Variants in WDR41 observed in about 807,000 individuals in gnomAD.
WDR41 encodes WD repeat-containing protein 41.
WDR41 carries 63 observed loss-of-function variants against 69.3 expected under a neutral mutation model. The observed-to-expected ratio is 0.91, with a 90% CI of 0.74 to 1.12. The LOEUF (loss-of-function observed/expected upper bound fraction) is 1.12, where lower values mean the gene tolerates loss of function less well. Ranked by LOEUF, WDR41 falls within the 50% of genes most tolerant of loss-of-function variation. WDR41 has a pLI of 0.00. For synonymous variants in WDR41, 185 were observed against 192.1 expected, an observed-to-expected ratio of 0.96 and a Z score of 0.31; for missense variants, 543 against 534.5, an observed-to-expected ratio of 1.02 and a Z score of -0.16.
chr5:77,608,417 T>A (rs751609439), intron 1 of WDR41, among the ~76,000 whole-genome samples: 1 of 152,176 alleles, frequency 6.6e-6, no homozygotes, highest in African/African-American at 2.4e-5. Flanking sequence ...CCCAAAAACA[T>A]TGGGCCTAAT....
intron 12 of WDR41, among the ~76,000 whole-genome samples, chr5:77,435,566 G>T (rs569675676): frequency 1.3e-5 from 2 of 152,078 alleles, no homozygotes; most frequent in Non-Finnish European, 2.9e-5. Context: ...CAAATGAAAA[G>T]AAATTTTTTG....
intron 1 of WDR41, among the ~76,000 whole-genome samples, chr5:77,528,985 C>T (rs1040725587): frequency 5.3e-5 from 8 of 151,198 alleles, no homozygotes; most frequent in Non-Finnish European, 7.4e-5. Flanking sequence ...ATAAGAATGC[C>T]CACTGTCATT....
At chr5:77,525,590 A>C (rs900818251) in intron 1 of WDR41, among the ~76,000 whole-genome samples, 2 of 152,190 alleles carry the variant, frequency 1.3e-5, no homozygotes, top group African/African-American at 4.8e-5. Context: ...ATTGGGGTTT[A>C]GGGAAGATCT....
At chr5:77,533,162 C>T (rs574853800) in intron 1 of WDR41, among the ~76,000 whole-genome samples, 1 of 152,292 alleles carries the variant, frequency 6.6e-6, no homozygotes, top group East Asian at 1.9e-4. Context: ...GGCATTCTGC[C>T]TACCACCTGG....
chr5:77,579,293 C>A (rs374257466), intron 1 of WDR41, among the ~76,000 whole-genome samples: 5 of 152,052 alleles, frequency 3.3e-5, no homozygotes, highest in African/African-American at 1.2e-4. Flanking sequence ...CCTACATACC[C>A]AAGAAGTACA....
At chr5:77,532,623 C>A (rs184313901) in intron 1 of WDR41, among the ~76,000 whole-genome samples, 1 of 152,142 alleles carries the variant, frequency 6.6e-6, no homozygotes, top group Admixed American at 6.6e-5. Context: ...CCTTATATAA[C>A]AGCCAAAAAT....
At chr5:77,514,312 G>A (rs1037113445) in intron 1 of WDR41, among the ~76,000 whole-genome samples, 9 of 152,034 alleles carry the variant, frequency 5.9e-5, no homozygotes, top group African/African-American at 1.4e-4. Flanking sequence ...AATGTACAGC[G>A]TTCATATCTA....
At chr5:77,527,180 T>C (rs992375442) in intron 1 of WDR41, among the ~76,000 whole-genome samples, 2 of 151,910 alleles carry the variant, frequency 1.3e-5, no homozygotes, top group African/African-American at 4.8e-5. Flanking sequence ...GTGGACTCAA[T>C]ACTCTAGTGA....
At chr5:77,616,345 G>A (rs1470412279) in intron 1 of WDR41, among the ~76,000 whole-genome samples, 1 of 152,162 alleles carries the variant, frequency 6.6e-6, no homozygotes, top group Non-Finnish European at 1.5e-5. Flanking sequence ...CACATGGAAA[G>A]CCTGCAGATT....
At chr5:77,475,003 G>C (rs887587259) in intron 2 of WDR41, among the ~76,000 whole-genome samples, 1 of 152,214 alleles carries the variant, frequency 6.6e-6, no homozygotes, top group Non-Finnish European at 1.5e-5. Context: ...GCCTCACTCG[G>C]GAAGCTCAAG....
intron 1 of WDR41, among the ~76,000 whole-genome samples, chr5:77,525,215 CT>C (rs1274283322): frequency 1.3e-5 from 2 of 152,140 alleles, no homozygotes; most frequent in Non-Finnish European, 2.9e-5. Context: ...CCAAAGCTTC[CT>C]AAACTTCATA....
At chr5:77,600,788 G>A (rs1301995608) in intron 1 of WDR41, among the ~76,000 whole-genome samples, 1 of 152,090 alleles carries the variant, frequency 6.6e-6, no homozygotes, top group African/African-American at 2.4e-5. Flanking sequence ...GCTGAGGCAG[G>A]AGGATCGCTT....
rs570817838 is a variant in WDR41 at position 77,464,435 on chromosome 5, C to T, written c.216+326G>A. Among the ~76,000 whole-genome samples the T allele has an allele frequency of 9.5e-4, 144 of 151,700 alleles. 1 individual carries two copies. Among genetic ancestry groups the T allele is most frequent in the Admixed American group, 4.7e-3 (71 of 15,240 alleles). On this transcript the variant is annotated intron_variant, in intron 3 of 12. Transcript: ENST00000296679. ...TGATTTCTAGTATTTTTAGTAGAGA[C>T]GGGGTCTTGCTATGTTGGCCAAGCT...
intron 1 of WDR41, among the ~76,000 whole-genome samples, chr5:77,512,718 C>T (rs986698243): frequency 7.2e-6 from 1 of 138,728 alleles, no homozygotes; most frequent in Admixed American, 7.5e-5. Context: ...TGCACTCTAG[C>T]CTGGCGAGAG....
At chr5:77,448,810 G>A (rs1289346197) in intron 8 of WDR41, among the ~76,000 whole-genome samples, 1 of 152,092 alleles carries the variant, frequency 6.6e-6, no homozygotes, top group East Asian at 1.9e-4. Context: ...AGAGGTTGCA[G>A]TGAGTCGAGA....
chr5:77,500,012 G>C (rs1008509886), intron 1 of WDR41, among the ~76,000 whole-genome samples: 2 of 152,094 alleles, frequency 1.3e-5, no homozygotes, highest in African/African-American at 2.4e-5. Flanking sequence ...AAGTTTCATA[G>C]TGTCATATTC....
At chr5:77,482,395 C>T (rs892731984) in intron 2 of WDR41, among the ~76,000 whole-genome samples, 6 of 152,070 alleles carry the variant, frequency 3.9e-5, no homozygotes, top group African/African-American at 1.4e-4. Context: ...TTCTATAGTA[C>T]ACTTGGTTGA....
intron 2 of WDR41, among the ~76,000 whole-genome samples, chr5:77,474,937 G>A (rs1435825605): frequency 6.6e-6 from 1 of 152,178 alleles, no homozygotes; most frequent in Admixed American, 6.5e-5. Flanking sequence ...GCCAGACAGT[G>A]GGCGCAGGTC....
intron 1 of WDR41, among the ~76,000 whole-genome samples, chr5:77,555,636 A>G (rs1743376695): frequency 1.3e-5 from 2 of 152,180 alleles, no homozygotes; most frequent in Non-Finnish European, 1.5e-5. Flanking sequence ...AAAGACATTA[A>G]TTACAACAGC....
Sources: gnomAD v4.1 joint callset for allele counts (sites outside exome capture counted in the v4.1 genomes callset) on GRCh38, gnomAD v4.1.1 for gene constraint, MANE v1.5 for transcripts, NCBI Gene and HGNC (gene_info 2026-07-23, HGNC 2026-07-21) for gene names.